ELP4: variants seen among roughly 807,000 people sequenced by gnomAD.
The protein encoded by ELP4 is elongator complex protein 4.
ELP4 carries 51 observed loss-of-function variants against 48.9 expected under a neutral mutation model. That is an observed-to-expected ratio of 1.04 (90% CI 0.83 to 1.32). ELP4 has a LOEUF of 1.32. Among genes scored for constraint, ELP4 ranks in the 40% most tolerant of loss-of-function variants. The pLI is 0.00. For missense variants in ELP4, 519 were observed against 514.6 expected, an observed-to-expected ratio of 1.01 and a Z score of -0.08; for synonymous variants, 210 against 189.2, an observed-to-expected ratio of 1.11 and a Z score of -0.90.
At chr11:31,550,472 G>T (rs1195219094) in intron 3 of ELP4, among the ~76,000 whole-genome samples, 1 of 152,190 alleles carries the variant, frequency 6.6e-6, no homozygotes, top group Non-Finnish European at 1.5e-5. Flanking sequence ...AGACACTTTT[G>T]TGAGTGATGA....
chr11:31,670,261 A>C (rs1945781151), intron 9 of ELP4, among the ~76,000 whole-genome samples: 1 of 152,170 alleles, frequency 6.6e-6, no homozygotes, highest in African/African-American at 2.4e-5. Context: ...TGAGCATTTA[A>C]AATGTACCCT....
intron 9 of ELP4, among the ~76,000 whole-genome samples, chr11:31,667,326 T>A (rs1018127194): frequency 1.5e-4 from 23 of 152,176 alleles, no homozygotes; most frequent in African/African-American, 5.1e-4. Flanking sequence ...TCTATAATCT[T>A]ATGAAGCAGT....
intron 3 of ELP4, among the ~76,000 whole-genome samples, chr11:31,547,666 G>A (rs9666805): frequency 0.7 from 107,005 of 151,962 alleles, 39,222 homozygotes; most frequent in African/African-American, 0.93. Context: ...TACCAAAGCC[G>A]GGCAGAGACA....
intron 9 of ELP4, among the ~76,000 whole-genome samples, chr11:31,687,196 A>G (rs1946179197): frequency 6.6e-6 from 1 of 152,192 alleles, no homozygotes; most frequent in African/African-American, 2.4e-5. Context: ...ATAGGTGGAT[A>G]TAGCCTTTGA....
rs368659105 is a variant in ELP4 at position 31,781,458 on chromosome 11, G to GAA, written c.1144-1934_1144-1933dup. Among the ~76,000 whole-genome samples, 408 of 126,368 alleles carry GAA rather than the reference G, an allele frequency of 3.2e-3. 4 individuals are homozygous for GAA. Among genetic ancestry groups the GAA allele is most frequent in the African/African-American group, 0.01 (344 of 34,108 alleles). 82.9% of individuals were successfully genotyped at this position (126,368 alleles called of 152,430 possible). On this transcript the variant is annotated intron_variant, in intron 9 of 9. Transcript: ENST00000640961. ...CAGACATTTGTAACCCCAAACTTTA[G>GAA]AACCATACCTGCCTTTTGGATTCCT...
Position 31,786,530 on chromosome 11 carries a change from G to A in ELP4, c.*3006G>A, listed in dbSNP as rs930620738. ...CGCCTTGGTGAGCCAAACATACAGA[G>A]AAGAAAAGGCTTTTTAAAATCTTAC... On this transcript the variant is annotated 3_prime_UTR_variant, in exon 10 of 10. Transcript: ENST00000640961. 3.6e-5 allele frequency: 8 copies of A among 224,740 alleles called. No individual in the cohort carries two copies. Among genetic ancestry groups the A allele is most frequent in the Admixed American group, 2.3e-4 (4 of 17,500 alleles). The allele number at this position is 224,740 out of a possible 1,614,324, so 13.9% of individuals were successfully genotyped here. A position where few individuals can be genotyped will look rare whatever the true frequency, so the allele number is the denominator to read the frequency against.
At chr11:31,728,001 G>A (rs1464349874) in intron 9 of ELP4, 1 of 152,060 alleles carries the variant, frequency 6.6e-6, no homozygotes, top group African/African-American at 2.4e-5. Context: ...CAAAGATAAA[G>A]TGCCTGTTAC....
At chr11:31,597,022 C>A (rs1957681222) in intron 4 of ELP4, among the ~76,000 whole-genome samples, 1 of 152,058 alleles carries the variant, frequency 6.6e-6, no homozygotes, top group East Asian at 1.9e-4. Flanking sequence ...ATGGGGGAAG[C>A]TGATACTCAT....
chr11:31,646,230 T>G (rs1371533442), intron 7 of ELP4: 3 of 151,846 alleles, frequency 2.0e-5, no homozygotes, highest in African/African-American at 7.2e-5. Context: ...ATACTTAGTG[T>G]GCCCACGTGA....
chr11:31,714,530 G>A (rs1333115565), intron 9 of ELP4: 1 of 396,984 alleles, frequency 2.5e-6, no homozygotes, highest in Non-Finnish European at 4.4e-6. Flanking sequence ...CCAAATTTGT[G>A]GAATTTACAT....
chr11:31,748,739 C>T (rs1947653505), intron 9 of ELP4, among the ~76,000 whole-genome samples: 1 of 151,946 alleles, frequency 6.6e-6, no homozygotes, highest in African/African-American at 2.4e-5. Flanking sequence ...TGCAGTGGCT[C>T]ACACCTGTAA....
chr11:31,511,402 T>C (rs1218906549), intron 1 of ELP4: 1 of 152,190 alleles, frequency 6.6e-6, no homozygotes, highest in Non-Finnish European at 1.5e-5. Flanking sequence ...TATGTTTCTA[T>C]TATAATGTCT....
At chr11:31,636,066 T>C (rs1214198377) in intron 7 of ELP4, among the ~76,000 whole-genome samples, 1 of 152,022 alleles carries the variant, frequency 6.6e-6, no homozygotes, top group Non-Finnish European at 1.5e-5. Flanking sequence ...GGTGATTGAA[T>C]GACTGTGGGT....
At chr11:31,671,669 G>C (rs1365125357) in intron 9 of ELP4, among the ~76,000 whole-genome samples, 1 of 152,076 alleles carries the variant, frequency 6.6e-6, no homozygotes, top group Non-Finnish European at 1.5e-5. Flanking sequence ...AGATACATAT[G>C]AGTATTTAGA....
intron 9 of ELP4, chr11:31,689,216 G>A (rs1946223617): frequency 6.6e-6 from 1 of 152,074 alleles, no homozygotes; most frequent in African/African-American, 2.4e-5. Context: ...AGTGGTGAGA[G>A]GATCACTTGA....
chr11:31,585,258 T>C (rs1957453909), intron 3 of ELP4, among the ~76,000 whole-genome samples: 1 of 152,168 alleles, frequency 6.6e-6, no homozygotes, highest in Admixed American at 6.5e-5. Context: ...TTAGGGCCAA[T>C]TGTCTCAAAT....
intron 2 of ELP4, among the ~76,000 whole-genome samples, chr11:31,538,097 T>C (rs1223808151): frequency 1.3e-5 from 2 of 151,976 alleles, no homozygotes; most frequent in Non-Finnish European, 1.5e-5. Context: ...ATCCAAAATA[T>C]TTAATTGCAG....
intron 4 of ELP4, 66 bp downstream of exon 4, chr11:31,594,967 T>C: frequency 1.5e-6 from 2 of 1,342,010 alleles, no homozygotes; most frequent in East Asian, 2.6e-5. Context: ...ACAGAATCTC[T>C]TGTGGTATGC....
intron 9 of ELP4, chr11:31,763,293 TA>T: frequency 1.1e-6 from 1 of 919,644 alleles, no homozygotes; most frequent in Non-Finnish European, 1.5e-6. Flanking sequence ...ACTGTGCTTT[TA>T]AAAAGATACA....
Sources: gnomAD v4.1 joint callset for allele counts (sites outside exome capture counted in the v4.1 genomes callset) on GRCh38, gnomAD v4.1.1 for gene constraint, MANE v1.5 for transcripts, NCBI Gene and HGNC (gene_info 2026-07-23, HGNC 2026-07-21) for gene names.